GNAL: variants seen among roughly 807,000 people sequenced by gnomAD.
The protein encoded by GNAL is guanine nucleotide-binding protein G(olf) subunit alpha.
Under a neutral mutation model 55.1 loss-of-function variants are expected in GNAL, and 18 were observed. The observed-to-expected ratio is 0.33, with a 90% confidence interval of 0.23 to 0.48. The LOEUF is 0.48. GNAL is among the 20% of genes least tolerant of loss of function. The probability of loss-of-function intolerance (pLI) is 0.99; values close to 1 mark genes in which losing one functional copy is unlikely to be tolerated. For missense variants in GNAL, 412 were observed against 614.1 expected (o/e 0.67, Z 3.48); for synonymous variants, 253 against 237.0 (o/e 1.07, Z -0.62).
At chr18:11,825,147 A>G (rs535413513) in intron 5 of GNAL, 132 bp downstream of exon 5, 10 of 615,780 alleles carry the variant, frequency 1.6e-5, no homozygotes, top group East Asian at 3.1e-5. Context: ...ACAGAAATCA[A>G]CTTTTAAAAT....
intron 4 of GNAL, among the ~76,000 whole-genome samples, chr18:11,800,053 T>C (rs2034483796): frequency 6.6e-6 from 1 of 152,260 alleles, no homozygotes; most frequent in Admixed American, 6.5e-5. Flanking sequence ...TTGCTTTATT[T>C]ATTAAATTGA....
chr18:11,856,223 A>G lies in GNAL; in HGVS notation c.723-6172A>G, dbSNP rs181710582. Among the ~76,000 whole-genome samples, 276 of 151,600 alleles carry G rather than the reference A, an allele frequency of 1.8e-3. 2 individuals carry two copies. Among genetic ancestry groups the G allele is most frequent in the Non-Finnish European group, 2.9e-3 (197 of 68,026 alleles). On this transcript the variant is annotated intron_variant, in intron 5 of 11. Coordinates refer to ENST00000334049, the MANE Select transcript of GNAL (RefSeq NM_182978.4). ...ACCCCTGTTTTTGTTTTTGTGTTGA[A>G]TCAACTGACTGGAATTAGCAAAATG...
chr18:11,780,119 A>C (rs1336709879), intron 4 of GNAL, among the ~76,000 whole-genome samples: 1 of 152,212 alleles, frequency 6.6e-6, no homozygotes, highest in Non-Finnish European at 1.5e-5. Context: ...TACATTTCTC[A>C]GATGTAATAC....
Position 11,824,694 on chromosome 18 carries a change from A to AAAT in GNAL, c.625-222_625-221insTAA, listed in dbSNP as rs368627903. Among the ~76,000 whole-genome samples the AAAT allele has an allele frequency of 0.68, 103,318 of 151,212 alleles. 37,316 individuals carry two copies. The highest frequency in any genetic ancestry group is 0.81 in the Admixed American group (12,353 of 15,206). On this transcript the variant is annotated intron_variant, in intron 4 of 11. Coordinates refer to ENST00000334049, the MANE Select transcript of GNAL (RefSeq NM_182978.4). Reference sequence around the variant, plus strand: ...CAGAGCGAGACTGTGTCTCAAAAAAAAAACAAAAAACTTTTGCAATTTGAC... The same window carrying AAAT: ...CAGAGCGAGACTGTGTCTCAAAAAAAAATAAACAAAAAACTTTTGCAATTTGAC...
At chr18:11,701,581 A>G (rs1488412047) in intron 1 of GNAL, among the ~76,000 whole-genome samples, 1 of 151,102 alleles carries the variant, frequency 6.6e-6, no homozygotes, top group Non-Finnish European at 1.5e-5. Flanking sequence ...AAAAAAAAAA[A>G]GCATAATGCT....
chr18:11,876,625 AC>A lies in GNAL; in HGVS notation c.1169del (p.Pro390GlnfsTer21). 1 of 1,584,948 alleles carries A rather than the reference AC, an allele frequency of 6.3e-7. No individual in the cohort carries two copies. The highest frequency in any genetic ancestry group is 8.7e-7 in the Non-Finnish European group (1 of 1,153,298). ...TTCCATTTGTCATTTCTACAGCAAC[AC>A]CAGATGCAGGAGAAGATCCCAAAGT... is the stretch of plus-strand genomic sequence containing the variant. ...ANYTVPEDAT[P>X]DAGEDPKVTR... is the part of the protein sequence containing the mutation. On this transcript the variant is annotated frameshift_variant, in exon 11 of 12. Transcript: ENST00000334049. LOFTEE classifies it high-confidence loss of function.
intron 4 of GNAL, among the ~76,000 whole-genome samples, chr18:11,758,042 A>T (rs1390382954): frequency 6.6e-6 from 1 of 152,126 alleles, no homozygotes; most frequent in Non-Finnish European, 1.5e-5. Context: ...AAGATGAAAG[A>T]TACAAAACCC....
chr18:11,703,059 A>C (rs768731021), intron 1 of GNAL, among the ~76,000 whole-genome samples: 9 of 152,230 alleles, frequency 5.9e-5, no homozygotes, highest in Non-Finnish European at 1.2e-4. Context: ...CAGAGGTTGC[A>C]GTGAGCAGAG....
Position 11,883,007 on chromosome 18 carries a change from C to T in GNAL, c.*1872C>T, listed in dbSNP as rs1222072822. The T allele has an allele frequency of 6.6e-6, 1 of 151,988 alleles. No homozygotes were observed. The highest frequency in any genetic ancestry group is 2.4e-5 in the African/African-American group (1 of 41,364). 9.4% of individuals were successfully genotyped at this position (151,988 alleles called of 1,614,324 possible). A position where few individuals can be genotyped will look rare whatever the true frequency, so the allele number is the denominator to read the frequency against. On this transcript the variant is annotated 3_prime_UTR_variant, in exon 12 of 12. Transcript: ENST00000334049. ...AAGATGTCCAAAGTTAAATTTTCAACAATACAAATCTAGAGAAGTGACAGC... is the reference window on the plus strand; with the variant it reads ...AAGATGTCCAAAGTTAAATTTTCAATAATACAAATCTAGAGAAGTGACAGC...
chr18:11,717,583 A>G (rs985008345), intron 1 of GNAL, among the ~76,000 whole-genome samples: 3 of 152,208 alleles, frequency 2.0e-5, no homozygotes, highest in East Asian at 1.9e-4. Context: ...AATATGGTAC[A>G]TATACACCAT....
At chr18:11,750,005 G>A (rs113881568) in intron 1 of GNAL, among the ~76,000 whole-genome samples, 3 of 152,192 alleles carry the variant, frequency 2.0e-5, no homozygotes, top group Admixed American at 1.3e-4. Flanking sequence ...ATTGTGCAAG[G>A]TGCACTGAAA....
At chr18:11,739,563 C>G (rs1011173181) in intron 1 of GNAL, among the ~76,000 whole-genome samples, 2 of 152,212 alleles carry the variant, frequency 1.3e-5, no homozygotes, top group African/African-American at 4.8e-5. Flanking sequence ...GCATTTTCCC[C>G]TCCAGGATTG....
At chr18:11,745,120 TG>T (rs33974082) in intron 1 of GNAL, among the ~76,000 whole-genome samples, 28 of 150,608 alleles carry the variant, frequency 1.9e-4, no homozygotes, top group East Asian at 1.2e-3. Flanking sequence ...TTCTATCTAT[TG>T]TTTTTTTATT....
chr18:11,722,142 C>T (rs1439532611), intron 1 of GNAL, among the ~76,000 whole-genome samples: 3 of 152,204 alleles, frequency 2.0e-5, no homozygotes, highest in African/African-American at 7.2e-5. Context: ...TCTCAACTCT[C>T]CAAACAACTG....
intron 4 of GNAL, among the ~76,000 whole-genome samples, chr18:11,821,390 C>T (rs1316781726): frequency 6.6e-6 from 1 of 152,126 alleles, no homozygotes; most frequent in African/African-American, 2.4e-5. Context: ...TGCTGTGTGC[C>T]CTTGGGTGGA....
intron 1 of GNAL, among the ~76,000 whole-genome samples, chr18:11,721,933 TA>T (rs1317542037): frequency 6.8e-6 from 1 of 147,966 alleles, no homozygotes; most frequent in East Asian, 2.0e-4. Flanking sequence ...AATAAATAAA[TA>T]ATAAAATAGT....
At chr18:11,697,973 T>C (rs957961557) in intron 1 of GNAL, among the ~76,000 whole-genome samples, 1 of 152,092 alleles carries the variant, frequency 6.6e-6, no homozygotes, top group African/African-American at 2.4e-5. Flanking sequence ...ACATGCCACC[T>C]GGGGACCACA....
chr18:11,778,084 A>G (rs1344676744), intron 4 of GNAL, among the ~76,000 whole-genome samples: 1 of 152,206 alleles, frequency 6.6e-6, no homozygotes, highest in Non-Finnish European at 1.5e-5. Context: ...TGTCGCCTCC[A>G]GACATGTGCT....
At chr18:11,777,466 C>G (rs1171626739) in intron 4 of GNAL, among the ~76,000 whole-genome samples, 1 of 152,196 alleles carries the variant, frequency 6.6e-6, no homozygotes, top group African/African-American at 2.4e-5. Flanking sequence ...GCAATACATG[C>G]TACTTGACAT....
Sources: allele counts gnomAD v4.1 joint callset (sites outside exome capture counted in the v4.1 genomes callset), GRCh38; gene constraint gnomAD v4.1.1; transcripts MANE v1.5; gene names NCBI Gene and HGNC (gene_info 2026-07-23, HGNC 2026-07-21).